The following NTNG2 variants were observed in gnomAD, a reference collection of about 807,000 sequenced individuals.
NTNG2 encodes the protein netrin-G2.
Under a neutral mutation model 47.6 loss-of-function variants are expected in NTNG2, and 15 were observed. That is an observed-to-expected ratio of 0.32 (90% CI 0.21 to 0.49). The LOEUF (loss-of-function observed/expected upper bound fraction) is 0.49. NTNG2 is among the 20% of genes least tolerant of loss of function. The pLI is 0.99. For missense variants in NTNG2, 578 were observed against 764.6 expected (o/e 0.76, Z 2.88); for synonymous variants, 307 against 324.6 (o/e 0.95, Z 0.58).
intron 7 of NTNG2, chr9:132,241,369 G>A (rs1841976502): frequency 6.8e-6 from 3 of 443,452 alleles, no homozygotes; most frequent in African/African-American, 2.1e-5. Flanking sequence ...AGGTGGGCGG[G>A]GACAGGATGC....
At chr9:132,211,096 C>T (rs973094388) in intron 3 of NTNG2, among the ~76,000 whole-genome samples, 5 of 152,154 alleles carry the variant, frequency 3.3e-5, no homozygotes, top group African/African-American at 9.7e-5. Context: ...CGCAGCAGCC[C>T]GGGGTTCACC....
chr9:132,223,452 G>A (rs1257872783), intron 3 of NTNG2, among the ~76,000 whole-genome samples: 1 of 152,212 alleles, frequency 6.6e-6, no homozygotes, highest in African/African-American at 2.4e-5. Flanking sequence ...TCTGCAGCCT[G>A]TGGTGTCCAG....
intron 3 of NTNG2, among the ~76,000 whole-genome samples, chr9:132,212,003 A>T (rs1839626654): frequency 6.6e-6 from 1 of 152,152 alleles, no homozygotes; most frequent in Non-Finnish European, 1.5e-5. Context: ...ACTATCTGGA[A>T]CTCTTTCCAG....
At position 132,231,001 on chromosome 9, in the gene NTNG2, A is replaced by C. The variant is rs1005567796; in HGVS notation, c.1054+406A>C. Among the ~76,000 whole-genome samples, 1 of 152,044 alleles carries C rather than the reference A, an allele frequency of 6.6e-6. No individual in the cohort carries two copies. On this transcript the variant is annotated intron_variant, in intron 5 of 7. Coordinates refer to ENST00000393229, the MANE Select transcript of NTNG2 (RefSeq NM_032536.4). This position sits in a 1 kb window ranked among gnomAD's most constrained non-coding sequence, Gnocchi z 4.1. ...ATCTGGGAGAGCAGTCTCTCCTGCC[A>C]GTCAAGAGTGGGGTGACCTTCCCCC...
chr9:132,238,838 G>A, intron 5 of NTNG2: 1 of 537,462 alleles, frequency 1.9e-6, no homozygotes, highest in Non-Finnish European at 3.4e-6. Context: ...GCTGCCCACT[G>A]GCCCTCCCTG....
At chr9:132,172,945 G>A (rs1836043332) in intron 2 of NTNG2, among the ~76,000 whole-genome samples, 1 of 152,012 alleles carries the variant, frequency 6.6e-6, no homozygotes, top group Non-Finnish European at 1.5e-5. Flanking sequence ...TAGCCAGGAT[G>A]GTCTCGATCT....
intron 2 of NTNG2, among the ~76,000 whole-genome samples, chr9:132,170,703 G>A (rs1835852160): frequency 1.3e-5 from 2 of 152,106 alleles, no homozygotes; most frequent in African/African-American, 4.8e-5. Flanking sequence ...GTGAGCTGAC[G>A]AGCAGGTGAG....
chr9:132,223,746 C>A (rs996425227), intron 3 of NTNG2, among the ~76,000 whole-genome samples: 1 of 152,192 alleles, frequency 6.6e-6, no homozygotes, highest in Non-Finnish European at 1.5e-5. Context: ...GGCCTCTATT[C>A]GCAGGATCTC....
intron 2 of NTNG2, among the ~76,000 whole-genome samples, chr9:132,181,344 G>A (rs1377192017): frequency 4.6e-5 from 6 of 130,230 alleles, no homozygotes; most frequent in African/African-American, 1.2e-4. Flanking sequence ...TTTTTGAGAC[G>A]GAGTCTTGCT....
At chr9:132,176,301 C>G (rs550978023) in intron 2 of NTNG2, among the ~76,000 whole-genome samples, 53 of 152,314 alleles carry the variant, frequency 3.5e-4, no homozygotes, top group African/African-American at 1.2e-3. Context: ...AGTCCCAACA[C>G]GTTTCCATCG....
chr9:132,192,441 AT>A (rs1483101167), intron 2 of NTNG2, among the ~76,000 whole-genome samples: 1 of 152,180 alleles, frequency 6.6e-6, no homozygotes, highest in Non-Finnish European at 1.5e-5. Context: ...AAATACAAAA[AT>A]TAGCCAGGCG....
chr9:132,185,818 T>G (rs368840542), intron 2 of NTNG2, among the ~76,000 whole-genome samples: 7 of 122,448 alleles, frequency 5.7e-5, no homozygotes, highest in African/African-American at 2.2e-4. Flanking sequence ...CCCCTGTGTG[T>G]GCAGGGAGGA....
At position 132,241,171 on chromosome 9, in the gene NTNG2, CCGGGGAAGTGGGTGGGGCCTAGTGGGA is replaced by C. The variant is rs914699494; in HGVS notation, c.1357+136_1357+162del. The C allele has an allele frequency of 5.9e-5, 72 of 1,220,274 alleles. No homozygotes were observed. The Admixed American group carries it at 8.8e-4, about 15-fold the overall frequency. 75.6% of individuals were successfully genotyped at this position (1,220,274 alleles called of 1,614,324 possible). On this transcript the variant is annotated intron_variant, in intron 7 of 7. Transcript: ENST00000393229. ...CTGGGCCTAGCAAGACGGGGCAGGG[CCGGGGAAGTGGGTGGGGCCTAGTGGGA>C]CGGGGAAGAGGCGGTGGGCGGGGCC...
intron 3 of NTNG2, among the ~76,000 whole-genome samples, chr9:132,222,258 A>G (rs1466247520): frequency 6.6e-6 from 1 of 152,188 alleles, no homozygotes; most frequent in Non-Finnish European, 1.5e-5. Context: ...TTAAGCACAG[A>G]AACTTTCTGT....
At chr9:132,201,591 G>C (rs1275858253) in intron 3 of NTNG2, among the ~76,000 whole-genome samples, 3 of 152,324 alleles carry the variant, frequency 2.0e-5, no homozygotes, top group Middle Eastern at 6.8e-3. Context: ...GGGGTTCCCA[G>C]GCTCTGGGAT....
intron 2 of NTNG2, among the ~76,000 whole-genome samples, chr9:132,181,909 C>G (rs768920815): frequency 6.6e-6 from 1 of 152,220 alleles, no homozygotes; most frequent in Non-Finnish European, 1.5e-5. Flanking sequence ...TCAGCTGACA[C>G]GAGTCGCTCT....
rs2130902684 is a variant in NTNG2 at position 132,221,982 on chromosome 9, C to A, written c.858-4867C>A. On this transcript the variant is annotated intron_variant, in intron 3 of 7. Transcript: ENST00000393229. The surrounding 1 kb of genome is among the most constrained non-coding windows in gnomAD (Gnocchi z 4.2). ...CTCAGGCCAGCAGTGCGGAGCACAG[C>A]CCCGGTTCCGTACAGCTGAGGTGTT... Among the ~76,000 whole-genome samples, 1 of 152,216 alleles carries A rather than the reference C, an allele frequency of 6.6e-6. No homozygotes were observed. The highest frequency in any genetic ancestry group is 1.9e-4 in the East Asian group (1 of 5,200).
At position 132,197,109 on chromosome 9, in the gene NTNG2, G is replaced by T. The variant is rs533790923; in HGVS notation, c.214-857G>T. On this transcript the variant is annotated intron_variant, in intron 2 of 7. Coordinates refer to ENST00000393229, the MANE Select transcript of NTNG2 (RefSeq NM_032536.4). This position sits in a 1 kb window ranked among gnomAD's most constrained non-coding sequence, Gnocchi z 4.3. ...AGGGTACAGGTAAAAAGGCTCAGGGGCCGGGCGCAGTGGCTCACGTCTGCA... is the reference window on the plus strand; with the variant it reads ...AGGGTACAGGTAAAAAGGCTCAGGGTCCGGGCGCAGTGGCTCACGTCTGCA... 1.3e-4 allele frequency among the ~76,000 whole-genome samples: 20 copies of T among 152,188 alleles called. No individual in the cohort carries two copies. Among genetic ancestry groups the T allele is most frequent in the South Asian group, 6.2e-4 (3 of 4,830 alleles).
chr9:132,202,483 C>T (rs1180542942), intron 3 of NTNG2, among the ~76,000 whole-genome samples: 6 of 152,212 alleles, frequency 3.9e-5, no homozygotes, highest in Admixed American at 6.5e-5. Context: ...CTGCCTCCCG[C>T]GGAGCCTGCT....
Sources: gnomAD v4.1 joint callset for allele counts (sites outside exome capture counted in the v4.1 genomes callset) on GRCh38, gnomAD v4.1.1 for gene constraint, Gnocchi (gnomAD v3.1) non-coding constraint, MANE v1.5 for transcripts, NCBI Gene and HGNC (gene_info 2026-07-23, HGNC 2026-07-21) for gene names.